Variants in PTPRM observed in about 807,000 individuals in gnomAD.
The protein encoded by PTPRM is protein tyrosine phosphatase receptor type M.
A neutral mutation model predicts 186.7 loss-of-function variants in PTPRM; 47 were observed. The ratio of observed to expected loss-of-function variants is 0.25; its 90% CI spans 0.20 to 0.32. PTPRM has a LOEUF of 0.32. Ranked by LOEUF, PTPRM falls within the 10% of genes least tolerant of loss-of-function variation. The pLI, the probability that PTPRM is intolerant of heterozygous loss-of-function variation, is 1.00. For synonymous variants in PTPRM, 668 were observed against 674.9 expected (o/e 0.99, Z 0.16); for missense variants, 1,494 against 1,865.0 (o/e 0.80, Z 3.66).
At chr18:8,248,800 A>G (rs2094500853) in intron 17 of PTPRM, among the ~76,000 whole-genome samples, 1 of 152,224 alleles carries the variant, frequency 6.6e-6, no homozygotes, top group African/African-American at 2.4e-5. Flanking sequence ...ACAAGATGGC[A>G]CTTATAATCA....
intron 1 of PTPRM, among the ~76,000 whole-genome samples, chr18:7,759,395 C>T (rs551157593): frequency 3.4e-4 from 52 of 152,252 alleles, no homozygotes; most frequent in Non-Finnish European, 6.3e-4. Flanking sequence ...TAACTTATCC[C>T]AGCAACCACA....
chr18:7,602,546 G>C (rs1232675756), intron 1 of PTPRM, among the ~76,000 whole-genome samples: 1 of 151,646 alleles, frequency 6.6e-6, no homozygotes, highest in African/African-American at 2.4e-5. Context: ...TCCCACCTCA[G>C]CCTCCCTAGT....
At chr18:7,910,488 AC>A (rs1481742668) in intron 4 of PTPRM, among the ~76,000 whole-genome samples, 2 of 152,142 alleles carry the variant, frequency 1.3e-5, no homozygotes, top group Non-Finnish European at 2.9e-5. Context: ...GGTTTAAAAT[AC>A]CCTCTAGAGG....
chr18:7,724,095 G>A (rs1270642549), intron 1 of PTPRM, among the ~76,000 whole-genome samples: 1 of 151,548 alleles, frequency 6.6e-6, no homozygotes, highest in Non-Finnish European at 1.5e-5. Flanking sequence ...TTAATGTGAG[G>A]TGTAAACTCC....
chr18:8,090,810 G>A (rs944819010), intron 11 of PTPRM, among the ~76,000 whole-genome samples: 19 of 152,112 alleles, frequency 1.2e-4, no homozygotes, highest in Admixed American at 5.9e-4. Flanking sequence ...GACCAGGCTC[G>A]TCTTGAACTC....
intron 23 of PTPRM, among the ~76,000 whole-genome samples, chr18:8,361,340 G>A (rs1465289358): frequency 6.6e-6 from 1 of 152,128 alleles, no homozygotes; most frequent in Non-Finnish European, 1.5e-5. Flanking sequence ...TGGAGCACCC[G>A]GAGCTCTATA....
chr18:8,345,933 G>A (rs546585381), intron 23 of PTPRM, among the ~76,000 whole-genome samples: 65 of 152,114 alleles, frequency 4.3e-4, no homozygotes, highest in Admixed American at 2.8e-3. Flanking sequence ...TAAGATTTAC[G>A]TAAAATTATC....
At chr18:8,244,306 AAG>A in intron 15 of PTPRM, 97 bp downstream of exon 15, 1 of 1,258,254 alleles carries the variant, frequency 7.9e-7, no homozygotes, top group Non-Finnish European at 1.1e-6. Context: ...AAGCTTCCTG[AAG>A]AAATTTTTAT....
At chr18:8,277,952 A>C (rs2094855578) in intron 19 of PTPRM, among the ~76,000 whole-genome samples, 1 of 152,238 alleles carries the variant, frequency 6.6e-6, no homozygotes, top group African/African-American at 2.4e-5. Context: ...GGCTAGAAGA[A>C]AAAAATTAAC....
At chr18:8,234,504 CACAG>C (rs1289769340) in intron 14 of PTPRM, among the ~76,000 whole-genome samples, 3 of 152,100 alleles carry the variant, frequency 2.0e-5, no homozygotes, top group Non-Finnish European at 2.9e-5. Flanking sequence ...GATTTTTTTA[CACAG>C]ACAGTCATGT....
chr18:8,219,714 A>G (rs918515995), intron 14 of PTPRM, among the ~76,000 whole-genome samples: 5 of 152,198 alleles, frequency 3.3e-5, no homozygotes, highest in African/African-American at 7.2e-5. Context: ...TTAATTTGCA[A>G]TTGGTTAAAG....
intron 14 of PTPRM, among the ~76,000 whole-genome samples, chr18:8,212,453 A>T (rs2094019477): frequency 6.6e-6 from 1 of 152,166 alleles, no homozygotes; most frequent in Non-Finnish European, 1.5e-5. Flanking sequence ...GTGTATACAC[A>T]CACACACGAG....
intron 21 of PTPRM, among the ~76,000 whole-genome samples, chr18:8,318,267 C>T (rs1225841557): frequency 7.2e-6 from 1 of 139,372 alleles, no homozygotes; most frequent in Non-Finnish European, 1.6e-5. Flanking sequence ...ACTTATCCTA[C>T]AATTTTTTTG....
intron 1 of PTPRM, among the ~76,000 whole-genome samples, chr18:7,597,394 G>C (rs753236517): frequency 3.9e-5 from 6 of 152,032 alleles, no homozygotes; most frequent in Admixed American, 6.5e-5. Context: ...TTTACCTTTC[G>C]GATCAATATT....
chr18:8,053,687 C>T (rs2087679609), intron 7 of PTPRM, among the ~76,000 whole-genome samples: 1 of 152,154 alleles, frequency 6.6e-6, no homozygotes, highest in Non-Finnish European at 1.5e-5. Context: ...TTCCTTAAAA[C>T]TCTAATTAGG....
chr18:8,336,102 A>C (rs2095437655), intron 22 of PTPRM, among the ~76,000 whole-genome samples: 1 of 152,252 alleles, frequency 6.6e-6, no homozygotes, highest in South Asian at 2.1e-4. Context: ...AGTTCAGAAC[A>C]TCTTAACATA....
At chr18:7,623,993 G>T (rs1259536214) in intron 1 of PTPRM, among the ~76,000 whole-genome samples, 1 of 152,110 alleles carries the variant, frequency 6.6e-6, no homozygotes, top group African/African-American at 2.4e-5. Flanking sequence ...TGCAGGGGGT[G>T]GGGGTAACTA....
intron 31 of PTPRM, among the ~76,000 whole-genome samples, chr18:8,394,262 A>G (rs1429629084): frequency 6.6e-6 from 1 of 152,186 alleles, no homozygotes; most frequent in African/African-American, 2.4e-5. Flanking sequence ...GAGCTGGGAA[A>G]GGCTCTGCAG....
intron 1 of PTPRM, among the ~76,000 whole-genome samples, chr18:7,596,229 T>G (rs1598484272): frequency 6.6e-6 from 1 of 152,150 alleles, no homozygotes; most frequent in East Asian, 1.9e-4. Flanking sequence ...AGCTACTAAG[T>G]GACCACTGGG....
Sources: gnomAD v4.1 joint callset for allele counts (sites outside exome capture counted in the v4.1 genomes callset) on GRCh38, gnomAD v4.1.1 for gene constraint, MANE v1.5 for transcripts, NCBI Gene and HGNC (gene_info 2026-07-23, HGNC 2026-07-21) for gene names.